Variants in CNTNAP2 observed in about 807,000 individuals in gnomAD.
CNTNAP2 encodes the protein contactin-associated protein-like 2.
In CNTNAP2, 98 loss-of-function variants were observed where a neutral mutation model predicts 155.2. The ratio of observed to expected loss-of-function variants is 0.63; its 90% CI spans 0.54 to 0.75. The LOEUF (loss-of-function observed/expected upper bound fraction) is 0.75. CNTNAP2 is among the 30% of genes least tolerant of loss of function. The pLI is 0.00. For synonymous variants in CNTNAP2, 651 were observed against 631.2 expected, an observed-to-expected ratio of 1.03 and a Z score of -0.47; for missense variants, 1,727 against 1,688.1, an observed-to-expected ratio of 1.02 and a Z score of -0.40.
At chr7:146,960,891 T>A (rs1584750554) in intron 3 of CNTNAP2, among the ~76,000 whole-genome samples, 1 of 152,116 alleles carries the variant, frequency 6.6e-6, no homozygotes, top group East Asian at 1.9e-4. Context: ...AATCCTTAGG[T>A]TCCAGAGACC....
chr7:148,278,928 G>A (rs759812901), intron 21 of CNTNAP2, among the ~76,000 whole-genome samples: 3 of 152,190 alleles, frequency 2.0e-5, no homozygotes, highest in Admixed American at 6.5e-5. Context: ...CAGGAAGAGA[G>A]AATGGCAGTC....
chr7:147,051,631 C>T (rs1799475610), intron 4 of CNTNAP2, among the ~76,000 whole-genome samples: 2 of 152,014 alleles, frequency 1.3e-5, no homozygotes, highest in Admixed American at 1.3e-4. Context: ...GAGGTAAGAA[C>T]ATAATTTATT....
chr7:147,973,162 A>T lies in CNTNAP2; in HGVS notation c.2256-4700A>T, dbSNP rs1404753264. ...GAGCAAGACCCTGTCTCTAAAATTA[A>T]AAAAAAAAAAAAAAAAAAAGTAGGT... is the stretch of plus-strand genomic sequence containing the variant. On this transcript the variant is annotated intron_variant, in intron 14 of 23. Transcript: ENST00000361727. Among the ~76,000 whole-genome samples, 9 of 40,914 alleles carry T rather than the reference A, an allele frequency of 2.2e-4. No individual in the cohort carries two copies. In the East Asian group the frequency reaches 5.3e-3, roughly 24 times the overall value. 26.8% of individuals were successfully genotyped at this position (40,914 alleles called of 152,430 possible).
At chr7:146,781,923 G>C (rs1563228643) in intron 2 of CNTNAP2, among the ~76,000 whole-genome samples, 1 of 152,124 alleles carries the variant, frequency 6.6e-6, no homozygotes, top group Non-Finnish European at 1.5e-5. Flanking sequence ...AGCTCCTCCT[G>C]CTGGTACTCT....
chr7:147,998,009 C>T (rs780047397), intron 15 of CNTNAP2, among the ~76,000 whole-genome samples: 4 of 151,768 alleles, frequency 2.6e-5, no homozygotes, highest in Non-Finnish European at 5.9e-5. Context: ...TTTGCTTGAA[C>T]GAGCTCAATT....
chr7:146,561,246 C>G (rs755971245), intron 1 of CNTNAP2, among the ~76,000 whole-genome samples: 1 of 152,024 alleles, frequency 6.6e-6, no homozygotes, highest in Non-Finnish European at 1.5e-5. Flanking sequence ...TCAACCACCC[C>G]CAAAGGTAAT....
intron 10 of CNTNAP2, among the ~76,000 whole-genome samples, chr7:147,398,988 C>A (rs1052063925): frequency 6.6e-6 from 1 of 151,744 alleles, no homozygotes; most frequent in Non-Finnish European, 1.5e-5. Flanking sequence ...ATAGGTTGAC[C>A]AGGATAAGCC....
rs558581129 is a variant in CNTNAP2 at position 147,801,300 on chromosome 7, T to C, written c.2099-102265T>C. On this transcript the variant is annotated intron_variant, in intron 13 of 23. Coordinates refer to ENST00000361727, the MANE Select transcript of CNTNAP2 (RefSeq NM_014141.6). ...AAATAGGTATGTAGTCTTTGGCAAC[T>C]TCTATGAAGTTTTTTTTTTTTTTTT... Among the ~76,000 whole-genome samples, 3 of 147,264 alleles carry C rather than the reference T, an allele frequency of 2.0e-5. No individual in the cohort carries two copies. The East Asian group carries it at 6.0e-4, about 29-fold the overall frequency.
chr7:147,760,650 C>T (rs1425194387), intron 13 of CNTNAP2, among the ~76,000 whole-genome samples: 2 of 152,130 alleles, frequency 1.3e-5, no homozygotes, highest in Admixed American at 1.3e-4. Flanking sequence ...TGACCAAGTC[C>T]TTTGAGGCTG....
At position 147,132,201 on chromosome 7, in the gene CNTNAP2, T is replaced by C. The variant is rs771892342; in HGVS notation, c.1084-44T>C. 8.1e-6 allele frequency: 13 copies of C among 1,611,462 alleles called. No individual in the cohort carries two copies. In the Admixed American group the frequency reaches 2.2e-4, roughly 27 times the overall value. On this transcript the variant is annotated intron_variant, in intron 7 of 23. Coordinates refer to ENST00000361727, the MANE Select transcript of CNTNAP2 (RefSeq NM_014141.6). ...ATCAGTGGTCTGACATGGATGTTCA[T>C]TTTATTCTGTGTTTTCCTCAGAGCC...
At chr7:147,117,897 C>A (rs1459472695) in intron 5 of CNTNAP2, among the ~76,000 whole-genome samples, 2 of 151,948 alleles carry the variant, frequency 1.3e-5, no homozygotes, top group Admixed American at 1.3e-4. Flanking sequence ...ACAAAATTCG[C>A]CATCACTTAG....
chr7:146,831,929 C>A (rs994497842), intron 2 of CNTNAP2, among the ~76,000 whole-genome samples: 1 of 151,998 alleles, frequency 6.6e-6, no homozygotes, highest in South Asian at 2.1e-4. Context: ...TTTGTTTGAA[C>A]CTTATTTATA....
intron 21 of CNTNAP2, among the ~76,000 whole-genome samples, chr7:148,270,034 A>G (rs1449072885): frequency 6.6e-6 from 1 of 152,190 alleles, no homozygotes; most frequent in South Asian, 2.1e-4. Flanking sequence ...TCAAATTTTG[A>G]TGGGAATGTT....
At chr7:147,864,045 G>T (rs1025800468) in intron 13 of CNTNAP2, among the ~76,000 whole-genome samples, 19 of 152,044 alleles carry the variant, frequency 1.2e-4, no homozygotes, top group East Asian at 7.7e-4. Flanking sequence ...TTCTTCTGGG[G>T]TTTTTATGGT....
At chr7:147,036,422 T>C (rs1799152775) in intron 3 of CNTNAP2, among the ~76,000 whole-genome samples, 1 of 152,186 alleles carries the variant, frequency 6.6e-6, no homozygotes, top group Non-Finnish European at 1.5e-5. Flanking sequence ...AAGTTCTAAA[T>C]TTTGGTATGT....
At position 148,367,229 on chromosome 7, in the gene CNTNAP2, C is replaced by CA. The variant is rs200084869; in HGVS notation, c.3476-16410dup. ...CTGGTGACAGAACAAGACTCTGTCT[C>CA]AAAAAAAAAATAAAAGAAAAGAAAA... On this transcript the variant is annotated intron_variant, in intron 21 of 23. Coordinates refer to ENST00000361727, the MANE Select transcript of CNTNAP2 (RefSeq NM_014141.6). Among the ~76,000 whole-genome samples the CA allele has an allele frequency of 4.7e-3, 649 of 137,452 alleles. 8 individuals are homozygous for CA. Among genetic ancestry groups the CA allele is most frequent in the African/African-American group, 0.015 (554 of 37,130 alleles). 90.2% of individuals were successfully genotyped at this position (137,452 alleles called of 152,430 possible).
At chr7:147,315,506 G>A (rs1262778424) in intron 9 of CNTNAP2, among the ~76,000 whole-genome samples, 7 of 131,986 alleles carry the variant, frequency 5.3e-5, no homozygotes, top group South Asian at 2.4e-4. Context: ...TTTTGAGACA[G>A]AGTCTTGCTC....
At chr7:147,068,051 C>T (rs892920833) in intron 4 of CNTNAP2, among the ~76,000 whole-genome samples, 2 of 152,192 alleles carry the variant, frequency 1.3e-5, no homozygotes, top group Admixed American at 6.5e-5. Context: ...GTCTTTTTAT[C>T]GCAGCTATAG....
At chr7:148,310,869 G>A (rs1361331627) in intron 21 of CNTNAP2, among the ~76,000 whole-genome samples, 1 of 152,146 alleles carries the variant, frequency 6.6e-6, no homozygotes, top group East Asian at 1.9e-4. Context: ...GGGGAGGTTC[G>A]ATTTACATGG....
Sources: allele counts gnomAD v4.1 joint callset (sites outside exome capture counted in the v4.1 genomes callset), GRCh38; gene constraint gnomAD v4.1.1; transcripts MANE v1.5; gene names NCBI Gene and HGNC (gene_info 2026-07-23, HGNC 2026-07-21).